The following AKAP7 variants were observed in gnomAD, a reference collection of about 807,000 sequenced individuals.
The protein encoded by AKAP7 is A kinase (PRKA) anchor protein 7.
In AKAP7, 39 loss-of-function variants were observed where a neutral mutation model predicts 39.5. The ratio of observed to expected loss-of-function variants is 0.99; its 90% CI spans 0.76 to 1.29. The LOEUF is 1.29. AKAP7 is among the 50% of genes most tolerant of loss of function. The probability of loss-of-function intolerance (pLI) is 0.00; values close to 1 mark genes in which losing one functional copy is unlikely to be tolerated. For missense variants in AKAP7, 414 were observed against 407.7 expected, an observed-to-expected ratio of 1.02 and a Z score of -0.13; for synonymous variants, 140 against 139.1, an observed-to-expected ratio of 1.01 and a Z score of -0.05.
Position 131,221,799 on chromosome 6 carries a change from C to T in AKAP7, c.850+1991C>T, listed in dbSNP as rs544501294. Among the ~76,000 whole-genome samples the T allele has an allele frequency of 2.2e-4, 34 of 152,202 alleles. No homozygotes were observed. In the South Asian group the frequency reaches 6.8e-3, roughly 31 times the overall value. ...CATGGTTTACTGAGTATTTTAACTA[C>T]TGCTCAGAAAAAAAAATTCTTTTCA... On this transcript the variant is annotated intron_variant, in intron 7 of 7. Transcript: ENST00000431975.
chr6:131,262,280 C>G (rs900475666), intron 7 of AKAP7, among the ~76,000 whole-genome samples: 9 of 152,164 alleles, frequency 5.9e-5, no homozygotes, highest in African/African-American at 1.4e-4. Context: ...CTGCCTCCCC[C>G]TCTTGGCAGA....
At chr6:131,152,482 T>C (rs1430603096) in intron 2 of AKAP7, among the ~76,000 whole-genome samples, 3 of 152,212 alleles carry the variant, frequency 2.0e-5, no homozygotes, top group Non-Finnish European at 4.4e-5. Flanking sequence ...ACTTTGACCA[T>C]ATATAAATAA....
At chr6:131,213,016 GGT>G (rs2128293017) in intron 6 of AKAP7, among the ~76,000 whole-genome samples, 1 of 152,204 alleles carries the variant, frequency 6.6e-6, no homozygotes, top group African/African-American at 2.4e-5. Flanking sequence ...TCATTTGAAT[GGT>G]ATCTGAGGTA....
chr6:131,241,627 G>GTGTGTGTGTGTA, intron 7 of AKAP7, among the ~76,000 whole-genome samples: 1 of 86,670 alleles, frequency 1.2e-5, no homozygotes, highest in African/African-American at 5.0e-5. Context: ...GTGTGTGTGT[G>GTGTGTGTGTGTA]TATATATATA....
At chr6:131,238,478 A>C (rs1811270196) in intron 7 of AKAP7, among the ~76,000 whole-genome samples, 1 of 152,070 alleles carries the variant, frequency 6.6e-6, no homozygotes, top group Admixed American at 6.6e-5. Flanking sequence ...TTTCTGTCTC[A>C]TTGATCTGTC....
intron 7 of AKAP7, among the ~76,000 whole-genome samples, chr6:131,236,385 T>C (rs1476413402): frequency 2.1e-4 from 32 of 152,338 alleles, no homozygotes; most frequent in African/African-American, 7.7e-4. Flanking sequence ...CTTGGCAATG[T>C]GGGCTCTTTT....
At chr6:131,143,602 A>G (rs1257601886) in intron 1 of AKAP7, among the ~76,000 whole-genome samples, 4 of 152,164 alleles carry the variant, frequency 2.6e-5, no homozygotes, top group African/African-American at 7.2e-5. Flanking sequence ...CTTTATAGCA[A>G]TGCGAATGGA....
chr6:131,140,063 C>G lies in AKAP7; in HGVS notation c.19+4281C>G, dbSNP rs80306627. Among the ~76,000 whole-genome samples, 1,514 of 152,286 alleles carry G rather than the reference C, an allele frequency of 9.9e-3. 115 individuals carry two copies. In the East Asian group the frequency reaches 0.18, roughly 18 times the overall value. Reference sequence around the variant, plus strand: ...TTACTTTGAAGTTGATTGTTCTTAACTGTTCACACAATCTCTTAGTCTGGT... The same window carrying G: ...TTACTTTGAAGTTGATTGTTCTTAAGTGTTCACACAATCTCTTAGTCTGGT... On this transcript the variant is annotated intron_variant, in intron 1 of 7. Coordinates refer to ENST00000431975, the MANE Select transcript of AKAP7 (RefSeq NM_016377.4).
intron 5 of AKAP7, among the ~76,000 whole-genome samples, chr6:131,194,775 A>G (rs1806757927): frequency 6.6e-6 from 1 of 152,112 alleles, no homozygotes. Flanking sequence ...TGATCCCTAA[A>G]TCATTATACA....
intron 2 of AKAP7, among the ~76,000 whole-genome samples, chr6:131,147,657 C>T (rs1006689202): frequency 6.6e-6 from 1 of 152,244 alleles, no homozygotes; most frequent in African/African-American, 2.4e-5. Flanking sequence ...TTTCTGATTT[C>T]ATTACTTTCT....
Position 131,145,355 on chromosome 6 carries a change from T to C in AKAP7, c.90T>C (p.Asn30=), listed in dbSNP as rs752980036. The C allele has an allele frequency of 6.4e-7, 1 of 1,569,930 alleles. No homozygotes were observed. The highest frequency in any genetic ancestry group is 8.7e-7 in the Non-Finnish European group (1 of 1,154,718). The change falls in exon 2 of 8, where the codon AAT becomes AAC. Residue 30 remains asparagine (N), a synonymous_variant. Coordinates refer to ENST00000431975, the MANE Select transcript of AKAP7 (RefSeq NM_016377.4). The part of the protein sequence containing the change: ...KKKMSEEFEA[N]TMDSLVDMPF... The stretch of plus-strand genomic sequence containing the variant: ...AAATGTCAGAGGAATTTGAAGCCAA[T>C]ACTATGGATTCTCTGGTAGACATGC...
intron 4 of AKAP7, among the ~76,000 whole-genome samples, chr6:131,168,549 A>G (rs981408485): frequency 2.6e-5 from 4 of 152,220 alleles, no homozygotes; most frequent in African/African-American, 4.8e-5. Flanking sequence ...TAGCTAAAGT[A>G]TATATGGCAA....
At chr6:131,177,515 C>T (rs1454278835) in intron 5 of AKAP7, among the ~76,000 whole-genome samples, 1 of 152,186 alleles carries the variant, frequency 6.6e-6, no homozygotes, top group Non-Finnish European at 1.5e-5. Context: ...AGAACATACT[C>T]CTGATGTAAG....
At chr6:131,171,761 T>C (rs1009564810) in intron 5 of AKAP7, among the ~76,000 whole-genome samples, 1 of 152,120 alleles carries the variant, frequency 6.6e-6, no homozygotes, top group South Asian at 2.1e-4. Flanking sequence ...GAGGGGAAAC[T>C]GAATTAATCC....
rs77874978 is a variant in AKAP7 at position 131,203,859 on chromosome 6, A to G, written c.702+4286A>G. Among the ~76,000 whole-genome samples the G allele has an allele frequency of 9.3e-4, 142 of 152,330 alleles. 1 individual carries two copies. The East Asian group carries it at 0.024, about 25-fold the overall frequency. On this transcript the variant is annotated intron_variant, in intron 6 of 7. Transcript: ENST00000431975. The stretch of plus-strand genomic sequence containing the variant: ...CTTTGGTACCACAAACAATGCTGTT[A>G]TGAACTTCCTTGTTCACTTTTCTTT...
In AKAP7 at chr6:131,282,340, T is replaced by TTTGA; in HGVS notation, c.*616_*619dup. 1 of 1,370,842 alleles carries TTTGA rather than the reference T, an allele frequency of 7.3e-7. No homozygotes were observed. Among genetic ancestry groups the TTTGA allele is most frequent in the Non-Finnish European group, 9.4e-7 (1 of 1,062,768 alleles). 84.9% of individuals were successfully genotyped at this position (1,370,842 alleles called of 1,614,324 possible). ...TTTTAAAGTTTTTTTAAAATCCTAT[T>TTTGA]TTGATAAGTCAGTATGCCATATTTA... On this transcript the variant is annotated 3_prime_UTR_variant, in exon 8 of 8. Coordinates refer to ENST00000431975, the MANE Select transcript of AKAP7 (RefSeq NM_016377.4).
chr6:131,150,774 T>C lies in AKAP7; in HGVS notation c.151+5358T>C, dbSNP rs143861009. Among the ~76,000 whole-genome samples, 264 of 152,292 alleles carry C rather than the reference T, an allele frequency of 1.7e-3. 1 individual carries two copies. Among genetic ancestry groups the C allele is most frequent in the African/African-American group, 5.9e-3 (244 of 41,566 alleles). On this transcript the variant is annotated intron_variant, in intron 2 of 7. Coordinates refer to ENST00000431975, the MANE Select transcript of AKAP7 (RefSeq NM_016377.4). ...TTTTTCCAGGCTCAAGTTCATTCAT[T>C]ATCGATGACATTGACATTGGCATAA...
At position 131,253,056 on chromosome 6, in the gene AKAP7, C is replaced by T. The variant is rs1297616540; in HGVS notation, c.851-28474C>T. On this transcript the variant is annotated intron_variant, in intron 7 of 7. Coordinates refer to ENST00000431975, the MANE Select transcript of AKAP7 (RefSeq NM_016377.4). Reference sequence around the variant, plus strand: ...ACACAGGTGAGTTGGAAAGCTCGTCCTCTGCAGTCCTACAGAGATACAGCA... The same window carrying T: ...ACACAGGTGAGTTGGAAAGCTCGTCTTCTGCAGTCCTACAGAGATACAGCA... 4 of 1,613,406 alleles carry T rather than the reference C, an allele frequency of 2.5e-6. No homozygotes were observed. In the Admixed American group the frequency reaches 5.0e-5, roughly 20 times the overall value.
At chr6:131,199,724 A>C (rs1461398447) in intron 6 of AKAP7, 151 bp downstream of exon 6, 2 of 683,862 alleles carry the variant, frequency 2.9e-6, no homozygotes, top group Non-Finnish European at 5.1e-6. Context: ...AGGGGTGCTG[A>C]GGATGCTCCT....
Sources: gnomAD v4.1 joint callset for allele counts (sites outside exome capture counted in the v4.1 genomes callset) on GRCh38, gnomAD v4.1.1 for gene constraint, MANE v1.5 for transcripts, NCBI Gene and HGNC (gene_info 2026-07-23, HGNC 2026-07-21) for gene names.